RHBDD1: variants seen among roughly 807,000 people sequenced by gnomAD.
RHBDD1 encodes the protein rhomboid domain containing 1.
In RHBDD1, 38 loss-of-function variants were observed where a neutral mutation model predicts 36.3. The observed-to-expected ratio is 1.05, with a 90% confidence interval of 0.81 to 1.37. RHBDD1 has a LOEUF of 1.37. RHBDD1 is among the 40% of genes most tolerant of loss of function. RHBDD1 has a pLI of 0.00. For missense variants in RHBDD1, 393 were observed against 377.6 expected (o/e 1.04, Z -0.34); for synonymous variants, 151 against 136.5 (o/e 1.11, Z -0.74).
chr2:226,870,523 C>G (rs1944713216), intron 5 of RHBDD1, among the ~76,000 whole-genome samples: 1 of 152,144 alleles, frequency 6.6e-6, no homozygotes, highest in South Asian at 2.1e-4. Flanking sequence ...AATAAGCAAG[C>G]CTTGGCTGCA....
At chr2:226,890,348 T>TA (rs1361997585) in intron 5 of RHBDD1, among the ~76,000 whole-genome samples, 1 of 152,248 alleles carries the variant, frequency 6.6e-6, no homozygotes, top group African/African-American at 2.4e-5. Flanking sequence ...TTTTAATTCT[T>TA]ACAATATTTT....
At chr2:226,857,649 A>G (rs1943463464) in intron 3 of RHBDD1, among the ~76,000 whole-genome samples, 2 of 152,300 alleles carry the variant, frequency 1.3e-5, no homozygotes, top group Non-Finnish European at 2.9e-5. Context: ...CTATGAAATC[A>G]TTATGCTAAG....
At chr2:226,948,213 T>C (rs1274494947) in intron 8 of RHBDD1, among the ~76,000 whole-genome samples, 2 of 146,934 alleles carry the variant, frequency 1.4e-5, no homozygotes, top group Non-Finnish European at 3.0e-5. Flanking sequence ...GTGGCACATA[T>C]ACACCATGGA....
intron 3 of RHBDD1, among the ~76,000 whole-genome samples, chr2:226,846,613 G>A (rs932968545): frequency 1.3e-5 from 2 of 151,986 alleles, no homozygotes; most frequent in East Asian, 1.9e-4. Context: ...GCATGGTGGC[G>A]GGTGCCTGTA....
chr2:226,827,334 C>A, the RHBDD1 span, among the ~76,000 whole-genome samples: 3 of 152,170 alleles, frequency 2.0e-5, no homozygotes, highest in African/African-American at 7.2e-5. Flanking sequence ...GATAACCTTT[C>A]CATTATCCCA....
intron 5 of RHBDD1, among the ~76,000 whole-genome samples, chr2:226,878,454 C>T (rs2125364872): frequency 6.6e-6 from 1 of 152,288 alleles, no homozygotes; most frequent in East Asian, 1.9e-4. Flanking sequence ...TTGCTGTAAC[C>T]AATAGAATCC....
At chr2:226,836,788 C>T (rs1941020606) in intron 1 of RHBDD1, among the ~76,000 whole-genome samples, 1 of 152,172 alleles carries the variant, frequency 6.6e-6, no homozygotes, top group Admixed American at 6.5e-5. Context: ...TTTGAAATTG[C>T]TTATTAGAAG....
the RHBDD1 span, among the ~76,000 whole-genome samples, chr2:226,802,685 T>C: frequency 3.9e-5 from 6 of 152,246 alleles, no homozygotes; most frequent in Non-Finnish European, 7.3e-5. Flanking sequence ...CCAAAATCTG[T>C]TGCTCAATGC....
chr2:226,956,626 T>G (rs1206595794), intron 8 of RHBDD1, among the ~76,000 whole-genome samples: 2 of 152,234 alleles, frequency 1.3e-5, no homozygotes, highest in African/African-American at 4.8e-5. Flanking sequence ...GAGAAATGAC[T>G]TGGGGCCCAG....
rs535904380 is a variant in RHBDD1 at position 226,850,155 on chromosome 2, G to A, written c.-91+10528G>A. Among the ~76,000 whole-genome samples, 16 of 152,338 alleles carry A rather than the reference G, an allele frequency of 1.1e-4. No individual in the cohort carries two copies. The South Asian group carries it at 3.1e-3, about 30-fold the overall frequency. ...ACAGATTGGGAAACAGACGGGGGTT[G>A]ATGAGATAATTTGCTCAAGGTAACT... On this transcript the variant is annotated intron_variant, in intron 3 of 8. Transcript: ENST00000392062.
chr2:226,914,387 T>C (rs367957333), intron 8 of RHBDD1, 36 bp downstream of exon 8: 2 of 1,596,928 alleles, frequency 1.3e-6, no homozygotes, highest in Middle Eastern at 3.3e-4. Flanking sequence ...TTTTAAAGCA[T>C]ACCTCATGTG....
At chr2:226,860,513 C>T (rs926895311) in intron 3 of RHBDD1, among the ~76,000 whole-genome samples, 1 of 152,110 alleles carries the variant, frequency 6.6e-6, no homozygotes, top group African/African-American at 2.4e-5. Flanking sequence ...GATCTGTCTT[C>T]CTTGGTGTTC....
At chr2:226,906,126 G>T (rs1948033950) in intron 5 of RHBDD1, among the ~76,000 whole-genome samples, 1 of 152,186 alleles carries the variant, frequency 6.6e-6, no homozygotes, top group South Asian at 2.1e-4. Flanking sequence ...ACAAGTAATT[G>T]CTGGTTTTAG....
intron 8 of RHBDD1, among the ~76,000 whole-genome samples, chr2:226,949,497 T>C (rs1450897773): frequency 6.6e-6 from 1 of 152,142 alleles, no homozygotes; most frequent in Non-Finnish European, 1.5e-5. Flanking sequence ...TAATAAAGGG[T>C]AGGGCTGAGA....
chr2:226,909,016 C>T, intron 7 of RHBDD1, 138 bp downstream of exon 7: 1 of 601,798 alleles, frequency 1.7e-6, no homozygotes, highest in Non-Finnish European at 3.0e-6. Context: ...GCCTCTAACA[C>T]ACCTGGAAGC....
At chr2:226,884,321 G>A (rs192377286) in intron 5 of RHBDD1, among the ~76,000 whole-genome samples, 13 of 152,122 alleles carry the variant, frequency 8.5e-5, no homozygotes, top group African/African-American at 3.1e-4. Context: ...GACAGTTGGG[G>A]CTATGAGTTG....
upstream of RHBDD1, among the ~76,000 whole-genome samples, chr2:226,835,307 T>C (rs902610598): frequency 6.6e-6 from 1 of 152,190 alleles, no homozygotes; most frequent in Non-Finnish European, 1.5e-5. Context: ...TGCTCCCGAG[T>C]AGCAAACAAT....
intron 8 of RHBDD1, among the ~76,000 whole-genome samples, chr2:226,980,629 G>A (rs1389856386): frequency 6.6e-6 from 1 of 152,072 alleles, no homozygotes; most frequent in African/African-American, 2.4e-5. Flanking sequence ...AATCTGTAGG[G>A]TTCCTTATGG....
intron 8 of RHBDD1, among the ~76,000 whole-genome samples, chr2:226,977,633 TA>T (rs1248174275): frequency 6.6e-6 from 1 of 152,172 alleles, no homozygotes; most frequent in African/African-American, 2.4e-5. Flanking sequence ...AGAAGCATAA[TA>T]GTTGTCATCC....
Sources: allele counts gnomAD v4.1 joint callset (sites outside exome capture counted in the v4.1 genomes callset), GRCh38; gene constraint gnomAD v4.1.1; transcripts MANE v1.5; gene names NCBI Gene and HGNC (gene_info 2026-07-23, HGNC 2026-07-21).